CDH9: variants seen among roughly 807,000 people sequenced by gnomAD.
The protein encoded by CDH9 is cadherin 9.
Under a neutral mutation model 70.9 loss-of-function variants are expected in CDH9, and 28 were observed. The ratio of observed to expected loss-of-function variants is 0.40; its 90% CI spans 0.29 to 0.54. The LOEUF (loss-of-function observed/expected upper bound fraction) is 0.54, where lower values mean the gene tolerates loss of function less well. Ranked by LOEUF, CDH9 falls within the 20% of genes least tolerant of loss-of-function variation. The probability of loss-of-function intolerance (pLI) is 0.59; values close to 1 mark genes in which losing one functional copy is unlikely to be tolerated. For synonymous variants in CDH9, 409 were observed against 343.1 expected (o/e 1.19, Z -2.12); for missense variants, 874 against 984.4 (o/e 0.89, Z 1.50).
intron 2 of CDH9, among the ~76,000 whole-genome samples, chr5:26,926,653 TA>T (rs1741345229): frequency 6.6e-6 from 1 of 150,822 alleles, no homozygotes; most frequent in Non-Finnish European, 1.5e-5. Context: ...CCTAAGAAAA[TA>T]GGACAAAGCT....
intron 7 of CDH9, among the ~76,000 whole-genome samples, chr5:26,891,505 C>G (rs187267480): frequency 6.4e-4 from 97 of 152,120 alleles, no homozygotes; most frequent in African/African-American, 2.3e-3. Flanking sequence ...TGGTGAAACC[C>G]CGTCTCTACT....
intron 2 of CDH9, among the ~76,000 whole-genome samples, chr5:26,916,595 AC>A (rs1741153682): frequency 6.6e-6 from 1 of 151,990 alleles, no homozygotes; most frequent in African/African-American, 2.4e-5. Context: ...ATATACCGTA[AC>A]AAAAGTTATT....
At chr5:27,029,179 T>C (rs1242404167) in intron 1 of CDH9, among the ~76,000 whole-genome samples, 1 of 152,010 alleles carries the variant, frequency 6.6e-6, no homozygotes, top group Non-Finnish European at 1.5e-5. Flanking sequence ...AAACATGACC[T>C]TAAACTAATT....
rs186716440 is a variant in CDH9 at position 26,928,768 on chromosome 5, T to C, written c.229-12844A>G. 3.2e-3 allele frequency among the ~76,000 whole-genome samples: 480 copies of C among 151,744 alleles called. 5 individuals carry two copies. The highest frequency in any genetic ancestry group is 0.011 in the African/African-American group (447 of 41,452). On this transcript the variant is annotated intron_variant, in intron 2 of 11. Transcript: ENST00000231021. Reference sequence around the variant, plus strand: ...AGGACAGCCTTTTCAATAAATAACGTTGGGAAAACTGGATAGCCATATAAA... The same window carrying C: ...AGGACAGCCTTTTCAATAAATAACGCTGGGAAAACTGGATAGCCATATAAA...
intron 2 of CDH9, among the ~76,000 whole-genome samples, chr5:26,952,901 CAAAAAAAAAA>C (rs70939788): frequency 1.9e-5 from 2 of 105,286 alleles, no homozygotes; most frequent in East Asian, 2.7e-4. Context: ...GTTTCTATTC[CAAAAAAAAAA>C]AAAAAAAAAA....
intron 2 of CDH9, among the ~76,000 whole-genome samples, chr5:26,948,127 A>T: frequency 6.6e-6 from 1 of 152,268 alleles, no homozygotes; most frequent in East Asian, 1.9e-4. Flanking sequence ...AGGGAGACTT[A>T]ATTTATTCTT....
rs138002997 is a variant in CDH9 at position 26,974,866 on chromosome 5, C to T, written c.228+13240G>A. Among the ~76,000 whole-genome samples, 182 of 151,994 alleles carry T rather than the reference C, an allele frequency of 1.2e-3. 1 individual carries two copies. Among genetic ancestry groups the T allele is most frequent in the Non-Finnish European group, 1.5e-3 (103 of 67,992 alleles). On this transcript the variant is annotated intron_variant, in intron 2 of 11. Transcript: ENST00000231021. ...TTGAGAAAACAATATCTACTCTCTT[C>T]GCAAATTTCAAGTATACAACAGAGT...
intron 1 of CDH9, among the ~76,000 whole-genome samples, chr5:26,998,350 C>T (rs1036312293): frequency 4.6e-5 from 7 of 152,068 alleles, no homozygotes; most frequent in Non-Finnish European, 1.0e-4. Flanking sequence ...CAATGATAGA[C>T]TGGATTAAGA....
At chr5:27,018,382 T>A (rs1743082001) in intron 1 of CDH9, among the ~76,000 whole-genome samples, 1 of 151,740 alleles carries the variant, frequency 6.6e-6, no homozygotes. Flanking sequence ...GAGATAAAAA[T>A]ATCAAATATT....
At chr5:26,945,289 A>T (rs1184956141) in intron 2 of CDH9, among the ~76,000 whole-genome samples, 1 of 151,976 alleles carries the variant, frequency 6.6e-6, no homozygotes, top group Non-Finnish European at 1.5e-5. Context: ...GTGGTTTTCA[A>T]TATGTTCTTA....
At chr5:26,916,289 T>C (rs960184210) in intron 2 of CDH9, among the ~76,000 whole-genome samples, 2 of 151,992 alleles carry the variant, frequency 1.3e-5, no homozygotes, top group African/African-American at 4.8e-5. Context: ...TGATTACATT[T>C]AAAATGACTA....
intron 2 of CDH9, among the ~76,000 whole-genome samples, chr5:26,933,647 A>G (rs10067079): frequency 0.096 from 14,528 of 151,802 alleles, 874 homozygotes; most frequent in East Asian, 0.17. Context: ...GGTGGCGCGC[A>G]TCTGTAGTCC....
chr5:27,002,878 C>T (rs1742795494), intron 1 of CDH9, among the ~76,000 whole-genome samples: 1 of 151,746 alleles, frequency 6.6e-6, no homozygotes, highest in African/African-American at 2.4e-5. Flanking sequence ...TATAACAAAC[C>T]TGCACGTAGT....
chr5:26,922,828 CAA>C (rs1561196185), intron 2 of CDH9, among the ~76,000 whole-genome samples: 1 of 150,900 alleles, frequency 6.6e-6, no homozygotes, highest in Non-Finnish European at 1.5e-5. Flanking sequence ...AACAGAAAAA[CAA>C]AAAGTTAAAA....
Position 26,902,451 on chromosome 5 carries a change from T to C in CDH9, c.1253+25A>G. The C allele has an allele frequency of 2.0e-6, 3 of 1,524,792 alleles. No homozygotes were observed. The South Asian group carries it at 3.5e-5, about 18-fold the overall frequency. The allele number at this position is 1,524,792 out of a possible 1,614,324, so 94.5% of individuals were successfully genotyped here. A position where few individuals can be genotyped will look rare whatever the true frequency, so the allele number is the denominator to read the frequency against. On this transcript the variant is annotated intron_variant, in intron 7 of 11. Coordinates refer to ENST00000231021, the MANE Select transcript of CDH9 (RefSeq NM_016279.4). ...TGAGATTATTATATTTCTAAAAACA[T>C]AATAAATGTTTTCAAAGTACTTACT...
intron 2 of CDH9, among the ~76,000 whole-genome samples, chr5:26,928,520 G>T (rs1236823336): frequency 6.6e-6 from 1 of 151,976 alleles, no homozygotes; most frequent in Non-Finnish European, 1.5e-5. Flanking sequence ...ACTCACAGAA[G>T]ACCTAGAGTA....
intron 2 of CDH9, among the ~76,000 whole-genome samples, chr5:26,966,872 C>A (rs1393162534): frequency 6.6e-6 from 1 of 152,046 alleles, no homozygotes; most frequent in East Asian, 1.9e-4. Context: ...CTTGTCATTT[C>A]TTCCATTGTC....
chr5:26,883,579 A>T (rs1418011821), intron 11 of CDH9, among the ~76,000 whole-genome samples: 1 of 152,098 alleles, frequency 6.6e-6, no homozygotes, highest in Non-Finnish European at 1.5e-5. Flanking sequence ...CAGATATTTC[A>T]TATTGCATTA....
chr5:26,916,192 A>G (rs1741146890), intron 2 of CDH9, among the ~76,000 whole-genome samples: 1 of 152,028 alleles, frequency 6.6e-6, no homozygotes, highest in African/African-American at 2.4e-5. Context: ...GATATTTATG[A>G]ATAAAATGTT....
Sources: gnomAD v4.1 joint callset for allele counts (sites outside exome capture counted in the v4.1 genomes callset) on GRCh38, gnomAD v4.1.1 for gene constraint, MANE v1.5 for transcripts, NCBI Gene and HGNC (gene_info 2026-07-23, HGNC 2026-07-21) for gene names.